SGCD: variants seen among roughly 807,000 people sequenced by gnomAD.
The protein encoded by SGCD is delta-sarcoglycan.
Under a neutral mutation model 36.6 loss-of-function variants are expected in SGCD, and 18 were observed. That is an observed-to-expected ratio of 0.49 (90% CI 0.34 to 0.73). The LOEUF is 0.73. Among genes scored for constraint, SGCD ranks in the 30% least tolerant of loss-of-function variants. The pLI is 0.01. For missense variants in SGCD, 387 were observed against 346.7 expected (o/e 1.12, Z -0.92); for synonymous variants, 133 against 130.6 (o/e 1.02, Z -0.12).
chr5:156,463,685 A>T (rs759739749), intron 3 of SGCD, among the ~76,000 whole-genome samples: 1 of 152,046 alleles, frequency 6.6e-6, no homozygotes, highest in Non-Finnish European at 1.5e-5. Flanking sequence ...TTCACTCCAG[A>T]TGGGTGTGAT....
At chr5:156,273,924 G>A (rs533212152) in intron 3 of SGCD, among the ~76,000 whole-genome samples, 2 of 152,194 alleles carry the variant, frequency 1.3e-5, no homozygotes, top group South Asian at 4.1e-4. Context: ...CTATTCTCAG[G>A]GATTGGACAT....
chr5:156,382,618 CGT>C (rs1407071750), intron 3 of SGCD, among the ~76,000 whole-genome samples: 1 of 151,994 alleles, frequency 6.6e-6, no homozygotes, highest in Non-Finnish European at 1.5e-5. Flanking sequence ...ATCAGGGACA[CGT>C]GTGTGACATG....
chr5:156,365,737 A>G (rs1211008707), intron 3 of SGCD, among the ~76,000 whole-genome samples: 2 of 151,796 alleles, frequency 1.3e-5, no homozygotes, highest in Non-Finnish European at 1.5e-5. Flanking sequence ...ATACATGTAT[A>G]TATGTATACA....
chr5:156,231,950 G>A (rs1261017346), intron 3 of SGCD, among the ~76,000 whole-genome samples: 2 of 152,190 alleles, frequency 1.3e-5, no homozygotes, highest in African/African-American at 2.4e-5. Context: ...AGTCAACTAA[G>A]ACAGCTTGAG....
At chr5:155,889,275 A>G (rs1756072389) in intron 1 of SGCD, among the ~76,000 whole-genome samples, 1 of 152,212 alleles carries the variant, frequency 6.6e-6, no homozygotes, top group Non-Finnish European at 1.5e-5. Flanking sequence ...TTTAAAAAAA[A>G]TTCAAAAAAA....
chr5:156,221,605 A>G (rs1764717170), intron 3 of SGCD, among the ~76,000 whole-genome samples: 1 of 151,866 alleles, frequency 6.6e-6, no homozygotes, highest in Admixed American at 6.6e-5. Context: ...CAAACATTCT[A>G]CCTGTAGGGT....
the SGCD span, among the ~76,000 whole-genome samples, chr5:155,768,247 G>T: frequency 2.0e-5 from 3 of 149,586 alleles, no homozygotes; most frequent in South Asian, 6.6e-4. Flanking sequence ...GATATTGGTA[G>T]TTTTTGTTTT....
the SGCD span, among the ~76,000 whole-genome samples, chr5:155,749,295 T>C: frequency 1.3e-5 from 2 of 152,276 alleles, no homozygotes; most frequent in East Asian, 3.9e-4. Context: ...CTAAAACACA[T>C]GCTACTCCCT....
chr5:156,097,411 C>T lies in SGCD; in HGVS notation c.-281-20467C>T, dbSNP rs148891252. ...TTTATTTTATTTTATTTTTATTTTC[C>T]GGTCTATTCTTTCTGTGTTGTTAAG... On this transcript the variant is annotated intron_variant, in intron 1 of 9. Coordinates refer to the SGCD transcript ENST00000517913. Among the ~76,000 whole-genome samples the T allele has an allele frequency of 5.2e-3, 797 of 151,852 alleles. 5 individuals are homozygous for T. The highest frequency in any genetic ancestry group is 0.018 in the African/African-American group (750 of 41,418).
intron 3 of SGCD, among the ~76,000 whole-genome samples, chr5:156,456,382 T>A (rs986894852): frequency 2.0e-5 from 3 of 152,192 alleles, no homozygotes; most frequent in Non-Finnish European, 4.4e-5. Context: ...ATAATAAAGG[T>A]GCTTCTGGCA....
intron 8 of SGCD, chr5:156,757,971 T>C: frequency 1.6e-6 from 2 of 1,248,920 alleles, no homozygotes; most frequent in African/African-American, 3.1e-5. Context: ...GAATGCTATT[T>C]TCAAATTCTC....
intron 3 of SGCD, among the ~76,000 whole-genome samples, chr5:156,173,348 A>G (rs1052047469): frequency 6.6e-6 from 1 of 152,222 alleles, no homozygotes; most frequent in Non-Finnish European, 1.5e-5. Flanking sequence ...CCTCCTTTGC[A>G]GGATTTTGAT....
At chr5:156,438,119 A>G (rs1753322214) in intron 3 of SGCD, among the ~76,000 whole-genome samples, 2 of 152,230 alleles carry the variant, frequency 1.3e-5, no homozygotes, top group South Asian at 2.1e-4. Flanking sequence ...AGGAGAGAGC[A>G]TATTTGTCAG....
At chr5:156,151,759 C>G (rs1202764358) in intron 3 of SGCD, among the ~76,000 whole-genome samples, 3 of 151,628 alleles carry the variant, frequency 2.0e-5, no homozygotes, top group African/African-American at 7.3e-5. Context: ...TTTCCAGTCT[C>G]TTTTTCAAGG....
chr5:156,152,144 C>A (rs187727322), intron 3 of SGCD, among the ~76,000 whole-genome samples: 6 of 151,180 alleles, frequency 4.0e-5, no homozygotes, highest in African/African-American at 1.2e-4. Context: ...TAAAAAAAAA[C>A]AAAACAAAAC....
intron 3 of SGCD, among the ~76,000 whole-genome samples, chr5:156,230,853 GATAA>G (rs1764997692): frequency 6.6e-6 from 1 of 152,064 alleles, no homozygotes; most frequent in African/African-American, 2.4e-5. Context: ...TTAGTGGTCA[GATAA>G]ATAAATTCTA....
chr5:155,763,879 C>G, the SGCD span, among the ~76,000 whole-genome samples: 1 of 151,810 alleles, frequency 6.6e-6, no homozygotes, highest in Non-Finnish European at 1.5e-5. Flanking sequence ...CTCTCTCTCT[C>G]TCTCTTTCTC....
chr5:156,409,773 C>T (rs6879264), intron 3 of SGCD, among the ~76,000 whole-genome samples: 24,236 of 152,178 alleles, frequency 0.16, 2,241 homozygotes, highest in African/African-American at 0.23. Flanking sequence ...CTATGCTAAA[C>T]AGCTGACACA....
chr5:156,269,510 A>G (rs75079047), intron 3 of SGCD, among the ~76,000 whole-genome samples: 12 of 137,728 alleles, frequency 8.7e-5, no homozygotes, highest in Non-Finnish European at 1.6e-4. Flanking sequence ...AAAAAAAAAA[A>G]CCATCAGATC....
Sources: allele counts gnomAD v4.1 joint callset (sites outside exome capture counted in the v4.1 genomes callset), GRCh38; gene constraint gnomAD v4.1.1; transcripts MANE v1.5; gene names NCBI Gene and HGNC (gene_info 2026-07-23, HGNC 2026-07-21).